SND1: variants seen among roughly 807,000 people sequenced by gnomAD.
SND1 encodes staphylococcal nuclease domain-containing protein 1.
SND1 carries 38 observed loss-of-function variants against 121.7 expected under a neutral mutation model. The ratio of observed to expected loss-of-function variants is 0.31; its 90% CI spans 0.24 to 0.41. The LOEUF (loss-of-function observed/expected upper bound fraction) is 0.41. SND1 is among the 10% of genes least tolerant of loss of function. The pLI is 1.00. For synonymous variants in SND1, 401 were observed against 447.4 expected, an observed-to-expected ratio of 0.90 and a Z score of 1.31; for missense variants, 868 against 1,184.6, an observed-to-expected ratio of 0.73 and a Z score of 3.92.
intron 11 of SND1, among the ~76,000 whole-genome samples, chr7:127,812,083 G>T (rs1359210044): frequency 1.3e-5 from 2 of 152,138 alleles, no homozygotes; most frequent in Non-Finnish European, 2.9e-5. Context: ...AGAAACTGGA[G>T]CCCACAGAAA....
intron 13 of SND1, among the ~76,000 whole-genome samples, chr7:127,891,361 C>T (rs1800006369): frequency 1.3e-5 from 2 of 152,022 alleles, no homozygotes; most frequent in Non-Finnish European, 1.5e-5. Context: ...TTCAAGACCA[C>T]TTATGTCCTG....
At chr7:127,748,736 A>G (rs1362406268) in intron 10 of SND1, among the ~76,000 whole-genome samples, 1 of 152,196 alleles carries the variant, frequency 6.6e-6, no homozygotes, top group Non-Finnish European at 1.5e-5. Context: ...GGCAGGAGAA[A>G]GTGTTTCAGG....
intron 15 of SND1, among the ~76,000 whole-genome samples, chr7:127,952,548 C>T (rs1373366491): frequency 6.6e-6 from 1 of 152,030 alleles, no homozygotes; most frequent in African/African-American, 2.4e-5. Context: ...TTTTTCAGAC[C>T]CCATGGCCTA....
intron 10 of SND1, among the ~76,000 whole-genome samples, chr7:127,749,324 C>T (rs532782651): frequency 6.6e-6 from 1 of 152,242 alleles, no homozygotes; most frequent in Admixed American, 6.5e-5. Flanking sequence ...TCTAGCCTTA[C>T]GAAGATAGGC....
At chr7:127,865,162 G>T (rs1310218464) in intron 12 of SND1, among the ~76,000 whole-genome samples, 4 of 152,194 alleles carry the variant, frequency 2.6e-5, no homozygotes, top group Non-Finnish European at 1.5e-5. Flanking sequence ...CACTATTGAT[G>T]ATTACATTAG....
At position 127,667,713 on chromosome 7, in the gene SND1, G is replaced by C. The variant is rs573073388; in HGVS notation, c.78+15262G>C. 4.6e-5 allele frequency among the ~76,000 whole-genome samples: 7 copies of C among 152,278 alleles called. No homozygotes were observed. In the East Asian group the frequency reaches 1.3e-3, roughly 29 times the overall value. ...TTAGACTAGGGCTGAGTCCATCATTGTTTGGTAAACAATATTACAGATCAG... is the reference window on the plus strand; with the variant it reads ...TTAGACTAGGGCTGAGTCCATCATTCTTTGGTAAACAATATTACAGATCAG... On this transcript the variant is annotated intron_variant, in intron 1 of 23. Transcript: ENST00000354725.
At chr7:127,852,846 T>G (rs576489436) in intron 12 of SND1, among the ~76,000 whole-genome samples, 140 of 152,234 alleles carry the variant, frequency 9.2e-4, no homozygotes, top group African/African-American at 6.7e-4. Context: ...AACACCCTCT[T>G]CTGTTGTCTG....
At chr7:127,702,295 A>G (rs1796118688) in intron 5 of SND1, 140 bp from the exon 6 acceptor site, 5 of 688,038 alleles carry the variant, frequency 7.3e-6, no homozygotes, top group East Asian at 2.7e-5. Flanking sequence ...ATGATCTGCA[A>G]GTGCATCCTT....
chr7:127,764,916 T>G (rs1229467128), intron 10 of SND1, among the ~76,000 whole-genome samples: 1 of 152,104 alleles, frequency 6.6e-6, no homozygotes, highest in Non-Finnish European at 1.5e-5. Context: ...AAGCTAAAAT[T>G]TCAGGGGAAA....
At chr7:127,678,040 T>C (rs1795644903) in intron 1 of SND1, among the ~76,000 whole-genome samples, 1 of 152,164 alleles carries the variant, frequency 6.6e-6, no homozygotes, top group Non-Finnish European at 1.5e-5. Context: ...AGTGATTTGG[T>C]CTCCAACACC....
At position 128,083,699 on chromosome 7, in the gene SND1, C is replaced by T. The variant is rs529808463; in HGVS notation, c.2111-1025C>T. 2.6e-5 allele frequency among the ~76,000 whole-genome samples: 4 copies of T among 152,302 alleles called. No individual in the cohort carries two copies. In the South Asian group the frequency reaches 6.2e-4, roughly 24 times the overall value. On this transcript the variant is annotated intron_variant, in intron 18 of 23. Coordinates refer to ENST00000354725, the MANE Select transcript of SND1 (RefSeq NM_014390.4). The stretch of plus-strand genomic sequence containing the variant: ...CAAGTGTAACAACAGACATATGTTG[C>T]GCCCTCCTTACAGCACTGCCTTGGG...
chr7:128,039,071 T>C (rs1277862174), intron 16 of SND1, among the ~76,000 whole-genome samples: 1 of 152,190 alleles, frequency 6.6e-6, no homozygotes, highest in Non-Finnish European at 1.5e-5. Context: ...TCCCTGCCCT[T>C]CAGCTACACT....
chr7:127,898,458 G>T (rs1293027123), intron 13 of SND1, among the ~76,000 whole-genome samples: 1 of 152,060 alleles, frequency 6.6e-6, no homozygotes, highest in African/African-American at 2.4e-5. Flanking sequence ...TTTTCTGAGT[G>T]GTGCCACCCT....
chr7:128,031,009 T>G, intron 16 of SND1: 1 of 120,006 alleles, frequency 8.3e-6, no homozygotes, highest in African/African-American at 3.2e-5. Flanking sequence ...TAGTTTTAAT[T>G]AACAAAAGGG....
chr7:128,033,210 G>C (rs1047891406), intron 16 of SND1, among the ~76,000 whole-genome samples: 1 of 152,206 alleles, frequency 6.6e-6, no homozygotes, highest in Non-Finnish European at 1.5e-5. Context: ...ATTTCTGGTA[G>C]GAGACCCTAA....
intron 10 of SND1, among the ~76,000 whole-genome samples, chr7:127,801,081 C>T (rs1732602989): frequency 6.6e-6 from 1 of 152,178 alleles, no homozygotes. Context: ...ACTTGTCTTG[C>T]ACGTATGAGA....
intron 16 of SND1, among the ~76,000 whole-genome samples, chr7:128,055,544 A>C (rs1253097832): frequency 1.3e-5 from 2 of 152,144 alleles, no homozygotes; most frequent in Non-Finnish European, 2.9e-5. Flanking sequence ...AGTAATGATG[A>C]GTTTTGGGGC....
At chr7:128,057,369 C>T (rs1348766036) in intron 16 of SND1, among the ~76,000 whole-genome samples, 1 of 152,144 alleles carries the variant, frequency 6.6e-6, no homozygotes, top group African/African-American at 2.4e-5. Context: ...AGCATTTCGT[C>T]GCTGGTAATA....
chr7:127,886,205 T>A (rs1024506641), intron 12 of SND1, among the ~76,000 whole-genome samples: 3 of 152,030 alleles, frequency 2.0e-5, no homozygotes, highest in African/African-American at 7.2e-5. Flanking sequence ...AATACCGTGC[T>A]GGCAGTAGAT....
Sources: allele counts gnomAD v4.1 joint callset (sites outside exome capture counted in the v4.1 genomes callset), GRCh38; gene constraint gnomAD v4.1.1; transcripts MANE v1.5; gene names NCBI Gene and HGNC (gene_info 2026-07-23, HGNC 2026-07-21).